DNAH17: variants seen among roughly 807,000 people sequenced by gnomAD.
The protein encoded by DNAH17 is dynein axonemal heavy chain 17, also known as axonemal beta dynein heavy chain 17.
DNAH17 carries 376 observed loss-of-function variants against 485.6 expected under a neutral mutation model. That is an observed-to-expected ratio of 0.77 (90% CI 0.71 to 0.84). The LOEUF is 0.84. Ranked by LOEUF, DNAH17 falls within the 40% of genes least tolerant of loss-of-function variation. The pLI, the probability that DNAH17 is intolerant of heterozygous loss-of-function variation, is 0.00. For synonymous variants in DNAH17, 3,031 were observed against 2,405.9 expected (o/e 1.26, Z -7.60); for missense variants, 6,370 against 5,839.3 (o/e 1.09, Z -2.96).
At chr17:78,445,759 A>G in intron 69 of DNAH17, 79 bp from the exon 70 acceptor site, 1 of 1,498,946 alleles carries the variant, frequency 6.7e-7, no homozygotes, top group Non-Finnish European at 9.0e-7. Context: ...CTGGACTCGA[A>G]GAGGAGTTCA....
intron 71 of DNAH17, among the ~76,000 whole-genome samples, chr17:78,442,029 G>C (rs1347714314): frequency 1.3e-5 from 2 of 152,110 alleles, no homozygotes; most frequent in African/African-American, 4.8e-5. Flanking sequence ...GTTGCAGTGA[G>C]GTGAGATGGC....
At position 78,571,387 on chromosome 17, in the gene DNAH17, G is replaced by T; in HGVS notation, c.733-9C>A. On this transcript the variant is annotated splice_polypyrimidine_tract_variant and intron_variant, in intron 4 of 80. Coordinates refer to ENST00000389840, the MANE Select transcript of DNAH17 (RefSeq NM_173628.4). ...ACTTTGGGTCTGTTTAGCTGAGAAG[G>T]GGAGTGAAGATCCACCTTTCATTGA... 6.2e-7 allele frequency: 1 copy of T among 1,606,848 alleles called. No individual in the cohort carries two copies. Among genetic ancestry groups the T allele is most frequent in the Non-Finnish European group, 8.5e-7 (1 of 1,173,740 alleles).
chr17:78,482,900 G>A lies in DNAH17; in HGVS notation c.7649+1968C>T, dbSNP rs572521481. Among the ~76,000 whole-genome samples the A allele has an allele frequency of 2.8e-4, 43 of 152,282 alleles. 1 individual carries two copies. The highest frequency in any genetic ancestry group is 8.2e-4 in the African/African-American group (34 of 41,560). On this transcript the variant is annotated intron_variant, in intron 48 of 80. Coordinates refer to ENST00000389840, the MANE Select transcript of DNAH17 (RefSeq NM_173628.4). Reference sequence around the variant, plus strand: ...CCTAGGGCTGAAGCTTAAGAATGTGGAGGCTCCTCCTTGAGGAAAAGAAAG... The same window carrying A: ...CCTAGGGCTGAAGCTTAAGAATGTGAAGGCTCCTCCTTGAGGAAAAGAAAG...
In DNAH17 at chr17:78,526,655, T is replaced by C. The variant is rs548177382; in HGVS notation, c.3707A>G (p.Asn1236Ser). ...FSDPNPYKSL[N>S]KQQKSISAME... ...CTCACCCTTGAGCAAAAATACCTTA[T>C]TCAGGGACTTGTAGGGGTTGGGGTC... Residue 1236 changes from asparagine to serine, a missense_variant, in exon 24 of 81, where the codon AAT (asparagine) becomes AGT (serine). Coordinates refer to ENST00000389840, the MANE Select transcript of DNAH17 (RefSeq NM_173628.4). 6 of 1,602,090 alleles carry C rather than the reference T, an allele frequency of 3.7e-6. No individual in the cohort carries two copies. In the South Asian group the frequency reaches 6.6e-5, roughly 18 times the overall value.
At chr17:78,568,439 CCTT>C (rs1198141329) in intron 9 of DNAH17, among the ~76,000 whole-genome samples, 1 of 152,084 alleles carries the variant, frequency 6.6e-6, no homozygotes, top group Non-Finnish European at 1.5e-5. Context: ...ATGATTTTCC[CCTT>C]TTTTAAGGAT....
intron 77 of DNAH17, among the ~76,000 whole-genome samples, chr17:78,427,968 A>C (rs1482061914): frequency 6.3e-4 from 1 of 1,598 alleles, no homozygotes. Flanking sequence ...CTCCGTCTCA[A>C]AAAAAAAAAA....
Position 78,459,226 on chromosome 17 carries a change from G to C in DNAH17, c.9654-18C>G, listed in dbSNP as rs770174329. The C allele has an allele frequency of 2.3e-5, 37 of 1,612,054 alleles. No homozygotes were observed. Among genetic ancestry groups the C allele is most frequent in the Non-Finnish European group, 3.1e-5 (37 of 1,178,832 alleles). On this transcript the variant is annotated intron_variant, in intron 60 of 80. Coordinates refer to ENST00000389840, the MANE Select transcript of DNAH17 (RefSeq NM_173628.4). ...GGTAGGGCCTAGCGAGGGAACCAGAGGGCCGGAGTCGTCACCCTGTCCTGC... is the reference window on the plus strand; with the variant it reads ...GGTAGGGCCTAGCGAGGGAACCAGACGGCCGGAGTCGTCACCCTGTCCTGC...
chr17:78,565,958 AAACAAAC>A (rs2092257860), intron 11 of DNAH17, among the ~76,000 whole-genome samples: 1 of 151,612 alleles, frequency 6.6e-6, no homozygotes, highest in South Asian at 2.1e-4. Flanking sequence ...CTCAAAAAAC[AAACAAAC>A]AACAAAAACA....
At position 78,488,504 on chromosome 17, in the gene DNAH17, C is replaced by T. The variant is rs139401844; in HGVS notation, c.6819-1998G>A. 9.3e-4 allele frequency among the ~76,000 whole-genome samples: 142 copies of T among 152,270 alleles called. 1 individual carries two copies. In the East Asian group the frequency reaches 0.025, roughly 27 times the overall value. Reference sequence around the variant, plus strand: ...TCTTCTCTGCTCCCATAGGGTGTCCCCCTGAGGACTCCACGATCCTGTCTT... The same window carrying T: ...TCTTCTCTGCTCCCATAGGGTGTCCTCCTGAGGACTCCACGATCCTGTCTT... On this transcript the variant is annotated intron_variant, in intron 44 of 80. Transcript: ENST00000389840.
At chr17:78,544,800 C>CAAAAAA (rs55669221) in intron 16 of DNAH17, among the ~76,000 whole-genome samples, 2,057 of 46,638 alleles carry the variant, frequency 0.044, 235 homozygotes, top group African/African-American at 0.074. Context: ...GACTCAGTCT[C>CAAAAAA]AAAAAAAAAA....
chr17:78,488,855 T>G (rs879109178), intron 44 of DNAH17, among the ~76,000 whole-genome samples: 5 of 151,792 alleles, frequency 3.3e-5, no homozygotes, highest in Admixed American at 2.6e-4. Flanking sequence ...GGGAGGGGTG[T>G]GTCCATAAGC....
intron 9 of DNAH17, among the ~76,000 whole-genome samples, chr17:78,568,125 G>A (rs1043272920): frequency 6.6e-6 from 1 of 152,186 alleles, no homozygotes; most frequent in Non-Finnish European, 1.5e-5. Flanking sequence ...TGTTGTCAGG[G>A]GGTGGACAGC....
intron 19 of DNAH17, among the ~76,000 whole-genome samples, chr17:78,535,091 C>T (rs2091339891): frequency 6.6e-6 from 1 of 152,168 alleles, no homozygotes; most frequent in Non-Finnish European, 1.5e-5. Flanking sequence ...GAATGTTCTG[C>T]CTGAGCGTCC....
Position 78,494,618 on chromosome 17 carries a change from C to A in DNAH17, c.6245G>T (p.Arg2082Leu), listed in dbSNP as rs533663865. The A allele has an allele frequency of 8.7e-6, 14 of 1,613,708 alleles. No individual in the cohort carries two copies. In the South Asian group the frequency reaches 1.4e-4, roughly 16 times the overall value. Residue 2082 changes from arginine (R) to leucine (L), a missense_variant, in exon 40 of 81, where the codon CGG (arginine) becomes CTG (leucine). Coordinates refer to ENST00000389840, the MANE Select transcript of DNAH17 (RefSeq NM_173628.4). ...CTTTTCAAAATTCAGGTCCCGTTTC[C>A]GAGGCACGTCCAGAGCCGGGAAGAG... Reference protein sequence around the residue: ...GDLFPALDVPRKRDLNFEKII... With the variant: ...GDLFPALDVPLKRDLNFEKII...
At position 78,429,164 on chromosome 17, in the gene DNAH17, A is replaced by C; in HGVS notation, c.12362T>G (p.Leu4121Arg). Residue 4121 changes from leucine (L) to arginine (R), a missense_variant, in exon 76 of 81, where the codon CTG (leucine) becomes CGG (arginine). By Grantham distance (102) the Leu-to-Arg change is moderately radical. Transcript: ENST00000389840. ...GGGGATCTGAAAGCCGGGGGCCAGC[A>C]GGACGTCTCCCTCCAGCATCTCCGT... ...IRTEMLEGDV[L>R]LAPGFQIPPN... The C allele has an allele frequency of 6.2e-7, 1 of 1,613,736 alleles. No individual in the cohort carries two copies. The highest frequency in any genetic ancestry group is 8.5e-7 in the Non-Finnish European group (1 of 1,179,878).
chr17:78,530,630 C>T, intron 20 of DNAH17, 118 bp from the exon 21 acceptor site: 1 of 1,263,890 alleles, frequency 7.9e-7, no homozygotes, highest in South Asian at 1.5e-5. Context: ...CTGCCGGCCA[C>T]TCTGGGGCCA....
chr17:78,574,085 A>C (rs1217751218), intron 2 of DNAH17, among the ~76,000 whole-genome samples: 1 of 152,200 alleles, frequency 6.6e-6, no homozygotes, highest in Non-Finnish European at 1.5e-5. Flanking sequence ...CATGGGCAGC[A>C]ACCGTACCCG....
chr17:78,487,274 G>T (rs1277009254), intron 44 of DNAH17, among the ~76,000 whole-genome samples: 2 of 152,194 alleles, frequency 1.3e-5, no homozygotes, highest in East Asian at 1.9e-4. Flanking sequence ...GTAAACAGGG[G>T]TGATGTTTCC....
chr17:78,504,314 C>T (rs929347012), intron 31 of DNAH17, among the ~76,000 whole-genome samples: 5 of 152,146 alleles, frequency 3.3e-5, no homozygotes, highest in Non-Finnish European at 7.4e-5. Context: ...ATCCGCCCAC[C>T]TCGACCTCCC....
Sources: allele counts gnomAD v4.1 joint callset (sites outside exome capture counted in the v4.1 genomes callset), GRCh38; gene constraint gnomAD v4.1.1; transcripts MANE v1.5; gene names NCBI Gene and HGNC (gene_info 2026-07-23, HGNC 2026-07-21).